CES5A: variants seen among roughly 807,000 people sequenced by gnomAD.
CES5A encodes the protein carboxylesterase 5A.
Under a neutral mutation model 62.9 loss-of-function variants are expected in CES5A, and 67 were observed. The ratio of observed to expected loss-of-function variants is 1.07; its 90% CI spans 0.88 to 1.31. The LOEUF is 1.31. Among genes scored for constraint, CES5A ranks in the 50% most tolerant of loss-of-function variants. The pLI, the probability that CES5A is intolerant of heterozygous loss-of-function variation, is 0.00. For synonymous variants in CES5A, 296 were observed against 280.8 expected (o/e 1.05, Z -0.54); for missense variants, 748 against 708.5 (o/e 1.06, Z -0.63).
At chr16:55,879,291 C>T (rs575771088), upstream of CES5A, among the ~76,000 whole-genome samples, 1 of 151,654 alleles carries the variant, frequency 6.6e-6, no homozygotes, top group East Asian at 1.9e-4. Flanking sequence ...ACCTCCACCA[C>T]TGCACCCCAC....
intron 4 of CES5A, among the ~76,000 whole-genome samples, chr16:55,867,011 T>C (rs1181268791): frequency 6.6e-6 from 1 of 152,172 alleles, no homozygotes; most frequent in African/African-American, 2.4e-5. Flanking sequence ...TTCTCCACCC[T>C]TCTCTGCTCT....
At chr16:55,894,891 CT>C (rs2033916299) in intron 1 of CES5A, among the ~76,000 whole-genome samples, 2 of 152,112 alleles carry the variant, frequency 1.3e-5, no homozygotes, top group African/African-American at 4.8e-5. Context: ...GTTGTGAATC[CT>C]TGGGGGAAAC....
intron 8 of CES5A, among the ~76,000 whole-genome samples, chr16:55,858,688 C>G (rs2033292560): frequency 6.6e-6 from 1 of 152,164 alleles, no homozygotes; most frequent in East Asian, 1.9e-4. Flanking sequence ...ATTTCTTAAC[C>G]CTATTTCCTC....
chr16:55,852,994 T>C lies in CES5A; in HGVS notation c.1160A>G (p.Asn387Ser). 2 of 1,614,160 alleles carry C rather than the reference T, an allele frequency of 1.2e-6. No homozygotes were observed. The highest frequency in any genetic ancestry group is 2.2e-5 in the East Asian group (1 of 44,880). ...GGAGTGCTTGTCATGGAAGTATTCA[T>C]TAGCCACAAGGTGCAAATACTGAGG... ...IPPQYLHLVA[N>S]EYFHDKHSLT... is the part of the protein sequence containing the mutation. Residue 387 changes from asparagine (N) to serine (S), a missense_variant, in exon 10 of 13, where the codon AAT becomes AGT. Transcript: ENST00000290567.
intron 2 of CES5A, 135 bp downstream of exon 2, chr16:55,873,698 G>A (rs1027156065): frequency 1.7e-5 from 13 of 780,614 alleles, no homozygotes; most frequent in South Asian, 7.2e-5. Context: ...CAAACCACTC[G>A]CCCGAGTCTC....
chr16:55,873,848 G>T lies in CES5A; in HGVS notation c.263C>A (p.Thr88Asn), dbSNP rs143204207. 474 of 1,613,010 alleles carry T rather than the reference G, an allele frequency of 2.9e-4. 1 individual carries two copies. Among genetic ancestry groups the T allele is most frequent in the Non-Finnish European group, 4.6e-5 (54 of 1,179,594 alleles). Reference sequence around the variant, plus strand: ...CTGGTCTTACAAATTAGGGTAGGAGGTGGCTTCTCGCAAGTTATCCCAGGG... The same window carrying T: ...CTGGTCTTACAAATTAGGGTAGGAGTTGGCTTCTCGCAAGTTATCCCAGGG... ...ASPWDNLREA[T>N]SYPNLCLQNS... The change falls in exon 2 of 13, where the codon ACC becomes AAC. Residue 88 changes from threonine (T) to asparagine (N), a missense_variant. Thr to Asn is a moderately conservative substitution (Grantham distance 65). Transcript: ENST00000290567.
Position 55,887,045 on chromosome 16 carries a change from C to T in CES5A, c.-255-13008G>A, listed in dbSNP as rs114863964. On this transcript the variant is annotated intron_variant, in intron 1 of 12. Coordinates refer to the CES5A transcript ENST00000518005. ...CTAAGGAATGAACTTGGTATCAACACGCTGCAGGGTTGGAATGTTGTACTA... is the reference window on the plus strand; with the variant it reads ...CTAAGGAATGAACTTGGTATCAACATGCTGCAGGGTTGGAATGTTGTACTA... 6.4e-3 allele frequency among the ~76,000 whole-genome samples: 970 copies of T among 152,240 alleles called. 15 individuals are homozygous for T. Among genetic ancestry groups the T allele is most frequent in the African/African-American group, 0.022 (920 of 41,532 alleles).
chr16:55,943,202 A>G (rs2034462410), intron 2 of CES5A, among the ~76,000 whole-genome samples: 1 of 152,266 alleles, frequency 6.6e-6, no homozygotes, highest in South Asian at 2.1e-4. Context: ...TTATAAATGT[A>G]GCACTTTATT....
intron 1 of CES5A, among the ~76,000 whole-genome samples, chr16:55,923,607 T>C (rs2034230662): frequency 6.6e-6 from 1 of 151,782 alleles, no homozygotes; most frequent in African/African-American, 2.4e-5. Context: ...GTAATAAGAA[T>C]TTTTCTCAAA....
At chr16:55,908,596 G>A (rs536139447) in intron 1 of CES5A, among the ~76,000 whole-genome samples, 3 of 152,288 alleles carry the variant, frequency 2.0e-5, no homozygotes, top group African/African-American at 4.8e-5. Flanking sequence ...CTGACCTCAC[G>A]TGATCCGCCC....
Position 55,871,698 on chromosome 16 carries a change from A to T in CES5A, c.344T>A (p.Phe115Tyr). 6.2e-7 allele frequency: 1 copy of T among 1,614,096 alleles called. No individual in the cohort carries two copies. The highest frequency in any genetic ancestry group is 1.7e-5 in the Admixed American group (1 of 60,028). ...GTAGAGGCAGTCTTCTGACACTCCG[A>T]ATTTCGGGTAATGCACCTTGAGCAT... ...QHMLKVHYPK[F>Y]GVSEDCLYLN... Residue 115 changes from phenylalanine to tyrosine, a missense_variant, in exon 3 of 13, where the codon TTC becomes TAC. Physicochemically the swap from Phe to Tyr is conservative, Grantham distance 22. Coordinates refer to ENST00000290567, the MANE Select transcript of CES5A (RefSeq NM_001143685.2).
At chr16:55,878,086 C>T (rs1471260144), upstream of CES5A, among the ~76,000 whole-genome samples, 1 of 152,156 alleles carries the variant, frequency 6.6e-6, no homozygotes, top group African/African-American at 2.4e-5. Context: ...CTGGGAGACA[C>T]AGACCTTTGA....
intron 3 of CES5A, 38 bp downstream of exon 3, chr16:55,871,587 G>C: frequency 6.2e-7 from 1 of 1,610,764 alleles, no homozygotes; most frequent in Non-Finnish European, 8.5e-7. Flanking sequence ...CCAAGGTCCT[G>C]CTAGCTAGAG....
intron 1 of CES5A, among the ~76,000 whole-genome samples, chr16:55,923,343 T>C (rs866930985): frequency 4.0e-5 from 6 of 151,570 alleles, no homozygotes; most frequent in Non-Finnish European, 5.9e-5. Context: ...ACATAACAAC[T>C]GAGACTACAG....
chr16:55,870,373 G>A (rs1489046501), intron 3 of CES5A, among the ~76,000 whole-genome samples: 2 of 151,708 alleles, frequency 1.3e-5, no homozygotes, highest in African/African-American at 4.8e-5. Context: ...AAGAGGAGGA[G>A]GAGAAAGGAT....
chr16:55,903,935 C>G (rs1395794935), intron 1 of CES5A, among the ~76,000 whole-genome samples: 3 of 152,170 alleles, frequency 2.0e-5, no homozygotes, highest in Non-Finnish European at 4.4e-5. Context: ...GAAAACGTTG[C>G]AAGAAGTTAT....
intron 1 of CES5A, among the ~76,000 whole-genome samples, chr16:55,952,646 T>A (rs1193014341): frequency 6.6e-6 from 1 of 151,982 alleles, no homozygotes; most frequent in African/African-American, 2.4e-5. Flanking sequence ...CATTTCAAAA[T>A]CTAATGAATG....
In CES5A at chr16:55,906,241, T is replaced by A. The variant is rs543462385; in HGVS notation, c.-256+19082A>T. On this transcript the variant is annotated intron_variant, in intron 1 of 12. Transcript: ENST00000518005. ...CAACGTCTGACTGAGATTGTCCCTG[T>A]TTCCTGGTGAGAGCATTTGAGGAGA... Among the ~76,000 whole-genome samples, 15 of 152,356 alleles carry A rather than the reference T, an allele frequency of 9.8e-5. No individual in the cohort carries two copies. The East Asian group carries it at 2.3e-3, about 24-fold the overall frequency.
chr16:55,863,614 T>C (rs1386127481), intron 5 of CES5A, among the ~76,000 whole-genome samples, 162 bp from the exon 6 acceptor site: 1 of 152,108 alleles, frequency 6.6e-6, no homozygotes, highest in Non-Finnish European at 1.5e-5. Context: ...GCTGTGAAGG[T>C]TTGGGCAAGT....
Sources: gnomAD v4.1 joint callset for allele counts (sites outside exome capture counted in the v4.1 genomes callset) on GRCh38, gnomAD v4.1.1 for gene constraint, MANE v1.5 for transcripts, NCBI Gene and HGNC (gene_info 2026-07-23, HGNC 2026-07-21) for gene names.